NUP210: variants seen among roughly 807,000 people sequenced by gnomAD.
NUP210 encodes nuclear pore membrane glycoprotein 210.
NUP210 carries 151 observed loss-of-function variants against 196.0 expected under a neutral mutation model. The observed-to-expected ratio is 0.77, with a 90% CI of 0.67 to 0.88. NUP210 has a LOEUF of 0.88. Among genes scored for constraint, NUP210 ranks in the 40% least tolerant of loss-of-function variants. NUP210 has a pLI of 0.00. For missense variants in NUP210, 2,314 were observed against 2,493.7 expected (o/e 0.93, Z 1.53); for synonymous variants, 1,070 against 1,052.7 (o/e 1.02, Z -0.32).
At chr3:13,327,147 C>G (rs1696790358) in intron 32 of NUP210, 70 bp downstream of exon 32, 4 of 1,290,476 alleles carry the variant, frequency 3.1e-6, no homozygotes, top group Non-Finnish European at 4.3e-6. Context: ...AGCCCCTGCC[C>G]AGGTAGCCCC....
At chr3:13,412,237 T>TC (rs913693200) in intron 1 of NUP210, among the ~76,000 whole-genome samples, 19 of 130,156 alleles carry the variant, frequency 1.5e-4, no homozygotes, top group African/African-American at 5.9e-4. Context: ...TTTTCTTTTT[T>TC]TTTTTTTTTT....
At chr3:13,411,239 T>C (rs1700166507) in intron 1 of NUP210, among the ~76,000 whole-genome samples, 1 of 151,908 alleles carries the variant, frequency 6.6e-6, no homozygotes, top group Non-Finnish European at 1.5e-5. Flanking sequence ...CTCAGAAAAA[T>C]AAAAGTACTA....
At position 13,379,546 on chromosome 3, in the gene NUP210, G is replaced by A; in HGVS notation, c.976+17C>T. 6.2e-7 allele frequency: 1 copy of A among 1,613,980 alleles called. No individual in the cohort carries two copies. The highest frequency in any genetic ancestry group is 8.5e-7 in the Non-Finnish European group (1 of 1,179,978). On this transcript the variant is annotated intron_variant, in intron 7 of 39. Transcript: ENST00000254508. The surrounding 1 kb of genome is among the most constrained non-coding windows in gnomAD (Gnocchi z 4.2). ...CTCCGCCATGCCTAAGAACACACAA[G>A]CCCAAGAAAAGGATATTCCTGTGGC...
intron 20 of NUP210, among the ~76,000 whole-genome samples, chr3:13,346,199 C>T (rs755170062): frequency 7.2e-5 from 11 of 152,226 alleles, no homozygotes; most frequent in Middle Eastern, 3.2e-3. Context: ...TGCACAGCAG[C>T]TAAATGCACC....
At position 13,323,002 on chromosome 3, in the gene NUP210, G is replaced by A; in HGVS notation, c.4768+307C>T. On this transcript the variant is annotated intron_variant, in intron 34 of 39. Coordinates refer to ENST00000254508, the MANE Select transcript of NUP210 (RefSeq NM_024923.4). This position sits in a 1 kb window ranked among gnomAD's most constrained non-coding sequence, Gnocchi z 4.3. ...GTCCTGCTAATTCATTAGTTTCTGG[G>A]ATTCACGGTGGGAAATTGTGGCTTT... Among the ~76,000 whole-genome samples the A allele has an allele frequency of 6.6e-6, 1 of 152,192 alleles. No individual in the cohort carries two copies. The highest frequency in any genetic ancestry group is 2.4e-5 in the African/African-American group (1 of 41,450).
intron 1 of NUP210, among the ~76,000 whole-genome samples, chr3:13,417,948 GA>G (rs1700400653): frequency 6.6e-6 from 1 of 152,112 alleles, no homozygotes; most frequent in African/African-American, 2.4e-5. Flanking sequence ...TTTAGAAAAA[GA>G]AAAAAGTACA....
chr3:13,337,882 G>C lies in NUP210; in HGVS notation c.3507C>G (p.Ala1169=), dbSNP rs775906893. 2 of 1,612,788 alleles carry C rather than the reference G, an allele frequency of 1.2e-6. No homozygotes were observed. Among genetic ancestry groups the C allele is most frequent in the Non-Finnish European group, 8.5e-7 (1 of 1,179,896 alleles). ...GCATGATGGGGGCGCGGATCCTCAC[G>C]GCCCTTAGCAGCAGCACCTCCACCT... ...LVQVEVLLLR[A]VRIRAPIMRM... is the part of the protein sequence containing the mutation. The change falls in exon 26 of 40, where the codon GCC becomes GCG. Residue 1169 remains alanine, a synonymous_variant. Transcript: ENST00000254508.
chr3:13,326,593 C>G (rs776236149), intron 32 of NUP210, among the ~76,000 whole-genome samples: 1 of 152,164 alleles, frequency 6.6e-6, no homozygotes, highest in Non-Finnish European at 1.5e-5. Flanking sequence ...TAATTGTACA[C>G]GTGTTCCACA....
chr3:13,358,159 C>T, intron 16 of NUP210, 63 bp downstream of exon 16: 1 of 1,484,556 alleles, frequency 6.7e-7, no homozygotes, highest in Non-Finnish European at 9.2e-7. Flanking sequence ...GGCGAGGCCA[C>T]CAATGTCCTC....
At chr3:13,407,220 TG>T (rs1412312793) in intron 1 of NUP210, among the ~76,000 whole-genome samples, 2 of 152,200 alleles carry the variant, frequency 1.3e-5, no homozygotes, top group East Asian at 1.9e-4. Flanking sequence ...CTGCAATGTT[TG>T]GGATGATTCT....
In NUP210 at chr3:13,351,905, A is replaced by G; in HGVS notation, c.2809T>C (p.Tyr937His). 1 of 1,613,824 alleles carries G rather than the reference A, an allele frequency of 6.2e-7. No homozygotes were observed. Among genetic ancestry groups the G allele is most frequent in the Non-Finnish European group, 8.5e-7 (1 of 1,179,750 alleles). The change falls in exon 20 of 40, where the codon TAC becomes CAC. Residue 937 changes from tyrosine (Y) to histidine (H), a missense_variant. Transcript: ENST00000254508. ...TSTADVVKVA[Y>H]QEARGVAMVH... ...ATGGCGACACCCCTGGCCTCCTGGT[A>G]GGCCACCTTGACAACATCTGCGGTG...
intron 27 of NUP210, among the ~76,000 whole-genome samples, chr3:13,336,574 G>A (rs57420413): frequency 0.04 from 6,045 of 152,226 alleles, 178 homozygotes; most frequent in African/African-American, 0.078. Context: ...TGCTTCTGTT[G>A]GGAGAGGCAC....
chr3:13,335,308 A>G (rs1697165997), intron 28 of NUP210, 146 bp downstream of exon 28: 1 of 914,550 alleles, frequency 1.1e-6, no homozygotes, highest in African/African-American at 1.7e-5. Flanking sequence ...TGTTTACCCC[A>G]CTGCGATGGA....
At chr3:13,376,108 C>T (rs536076926) in intron 10 of NUP210, among the ~76,000 whole-genome samples, 183 bp downstream of exon 10, 1 of 152,362 alleles carries the variant, frequency 6.6e-6, no homozygotes, top group Non-Finnish European at 1.5e-5. Context: ...GCTCTGCTCC[C>T]TAAGGCTGAT....
chr3:13,377,518 G>A lies in NUP210; in HGVS notation c.1090C>T (p.Arg364Cys), dbSNP rs144727343. 8.7e-5 allele frequency: 141 copies of A among 1,613,828 alleles called. No individual in the cohort carries two copies. The highest frequency in any genetic ancestry group is 1.2e-4 in the South Asian group (11 of 91,064). The change falls in exon 9 of 40, where the codon CGC (arginine) becomes TGC (cysteine). Residue 364 changes from arginine (R) to cysteine (C), a missense_variant. Coordinates refer to ENST00000254508, the MANE Select transcript of NUP210 (RefSeq NM_024923.4). ...ACTTCGATGGTGATTTCATACAGGCGGCCGGTCTCCAGCACCCACCTGTCA... is the reference window on the plus strand; with the variant it reads ...ACTTCGATGGTGATTTCATACAGGCAGCCGGTCTCCAGCACCCACCTGTCA... The part of the protein sequence containing the change: ...PGDRWVLETG[R>C]LYEITIEVFD...
rs770180305 is a variant in NUP210 at position 13,339,947 on chromosome 3, C to T, written c.3378G>A (p.Gly1126=). The T allele has an allele frequency of 1.4e-5, 22 of 1,614,060 alleles. No individual in the cohort carries two copies. The highest frequency in any genetic ancestry group is 1.9e-5 in the Non-Finnish European group (22 of 1,180,042). Residue 1126 remains glycine, a synonymous_variant, in exon 25 of 40, where the codon GGG becomes GGA. Transcript: ENST00000254508. ...NESVALVSAA[G]LVQGLAIGNG... ...TCCCGATGGCGAGGCCCTGTACCAG[C>T]CCAGCAGCGCTCACCAGCGCAACGC...
At chr3:13,319,399 T>C (rs2124823274) in intron 37 of NUP210, 74 bp from the exon 38 acceptor site, 1 of 1,260,732 alleles carries the variant, frequency 7.9e-7, no homozygotes, top group Non-Finnish European at 1.1e-6. Flanking sequence ...CCTGCCCTAC[T>C]GTACGTCTAC....
intron 39 of NUP210, among the ~76,000 whole-genome samples, chr3:13,318,114 G>C (rs1696348512): frequency 1.3e-5 from 2 of 152,250 alleles, no homozygotes; most frequent in Non-Finnish European, 2.9e-5. Flanking sequence ...TCGGGCAAGA[G>C]CGCCACAGGA....
At chr3:13,395,419 G>A (rs553033957) in intron 3 of NUP210, among the ~76,000 whole-genome samples, 1 of 152,352 alleles carries the variant, frequency 6.6e-6, no homozygotes, top group Non-Finnish European at 1.5e-5. Context: ...CTGGGCTCAA[G>A]CGATTCTCTT....
Sources: allele counts gnomAD v4.1 joint callset (sites outside exome capture counted in the v4.1 genomes callset), GRCh38; gene constraint gnomAD v4.1.1; non-coding constraint Gnocchi (gnomAD v3.1); transcripts MANE v1.5; gene names NCBI Gene and HGNC (gene_info 2026-07-23, HGNC 2026-07-21).